CD163L1: variants seen among roughly 807,000 people sequenced by gnomAD.
The protein encoded by CD163L1 is scavenger receptor cysteine-rich type 1 protein M160.
In CD163L1, 124 loss-of-function variants were observed where a neutral mutation model predicts 165.4. That is an observed-to-expected ratio of 0.75 (90% CI 0.65 to 0.87). The LOEUF is 0.87. Ranked by LOEUF, CD163L1 falls within the 40% of genes least tolerant of loss-of-function variation. CD163L1 has a pLI of 0.00. For synonymous variants in CD163L1, 585 were observed against 662.2 expected, an observed-to-expected ratio of 0.88 and a Z score of 1.79; for missense variants, 1,525 against 1,799.9, an observed-to-expected ratio of 0.85 and a Z score of 2.76.
chr12:7,389,373 TC>T (rs1002024815), intron 8 of CD163L1, among the ~76,000 whole-genome samples: 2 of 152,196 alleles, frequency 1.3e-5, no homozygotes, highest in Admixed American at 6.5e-5. Context: ...GAGCACTTTT[TC>T]ATATGCCTAT....
At chr12:7,392,848 A>G (rs1297966442) in intron 8 of CD163L1, among the ~76,000 whole-genome samples, 4 of 152,312 alleles carry the variant, frequency 2.6e-5, no homozygotes, top group African/African-American at 9.6e-5. Context: ...CTGGACACAT[A>G]CACCCTCCCA....
rs1947819200 is a variant in CD163L1, at chr12:7,398,261, T to C, written c.1729+3A>G. 1.9e-6 allele frequency: 3 copies of C among 1,610,724 alleles called. No homozygotes were observed. The highest frequency in any genetic ancestry group is 1.7e-5 in the Admixed American group (1 of 59,878). On this transcript the variant is annotated splice_donor_region_variant and intron_variant, in intron 7 of 19. Coordinates refer to ENST00000313599, the MANE Select transcript of CD163L1 (RefSeq NM_174941.6). The surrounding 1 kb of genome is among the most constrained non-coding windows in gnomAD (Gnocchi z 4.5). ...GGAAATAATAAACAAGAACAAGTCT[T>C]ACCTGAGCAGGTTACAATCACATCC...
chr12:7,379,375 C>T (rs1014825038), intron 8 of CD163L1, 77 bp from the exon 9 acceptor site: 5 of 1,460,336 alleles, frequency 3.4e-6, no homozygotes, highest in Non-Finnish European at 4.6e-6. Context: ...TTCCTGTACA[C>T]TAACATAGAC....
At chr12:7,335,370 T>C in the CD163L1 span, among the ~76,000 whole-genome samples, 4 of 152,080 alleles carry the variant, frequency 2.6e-5, no homozygotes, top group African/African-American at 4.8e-5. Flanking sequence ...TTGACAAACC[T>C]GACAAAAACA....
the CD163L1 span, among the ~76,000 whole-genome samples, chr12:7,329,919 A>C: frequency 6.6e-6 from 1 of 152,200 alleles, no homozygotes; most frequent in Admixed American, 6.5e-5. Flanking sequence ...CAGCTTTCAC[A>C]AAGTGAAAAC....
intron 4 of CD163L1, among the ~76,000 whole-genome samples, chr12:7,421,829 C>T (rs1054202056): frequency 6.6e-6 from 1 of 150,816 alleles, no homozygotes; most frequent in African/African-American, 2.4e-5. Flanking sequence ...TGTTCTCACT[C>T]ATAAGTGGGA....
rs1402355435 is a variant in CD163L1 at position 7,372,951 on chromosome 12, T to C, written c.3730+369A>G. On this transcript the variant is annotated intron_variant, in intron 14 of 19. Transcript: ENST00000313599. The surrounding 1 kb of genome is among the most constrained non-coding windows in gnomAD (Gnocchi z 4.2). Reference sequence around the variant, plus strand: ...AAAAAATAGAGCTGCTTAATCTCCATAATTAATTCACATTTCCTCAAAAGT... The same window carrying C: ...AAAAAATAGAGCTGCTTAATCTCCACAATTAATTCACATTTCCTCAAAAGT... Among the ~76,000 whole-genome samples the C allele has an allele frequency of 6.6e-6, 1 of 152,178 alleles. No individual in the cohort carries two copies. Among genetic ancestry groups the C allele is most frequent in the Admixed American group, 6.5e-5 (1 of 15,278 alleles).
chr12:7,330,967 C>T, the CD163L1 span, among the ~76,000 whole-genome samples: 27 of 152,246 alleles, frequency 1.8e-4, no homozygotes, highest in East Asian at 3.9e-4. Context: ...GCACCGTGCA[C>T]GAGCTGAAGC....
chr12:7,331,676 C>G, the CD163L1 span, among the ~76,000 whole-genome samples: 7 of 152,340 alleles, frequency 4.6e-5, no homozygotes, highest in South Asian at 1.4e-3. Context: ...CAAACAGGGT[C>G]TGGAATGGAC....
rs767881036 is a variant in CD163L1, at chr12:7,375,911, A to C, written c.2475T>G (p.Ser825=). The change falls in exon 10 of 20, where the codon TCT becomes TCG. Residue 825 remains serine, a synonymous_variant. Coordinates refer to ENST00000313599, the MANE Select transcript of CD163L1 (RefSeq NM_174941.6). ...TWRSVCDSDF[S]LHAANVLCRE... is the part of the protein sequence containing the mutation. Reference sequence around the variant, plus strand: ...TGCACAGCACATTGGCAGCATGAAGAGAGAAATCAGAATCACAGACAGAGC... The same window carrying C: ...TGCACAGCACATTGGCAGCATGAAGCGAGAAATCAGAATCACAGACAGAGC... The C allele has an allele frequency of 6.2e-7, 1 of 1,614,246 alleles. No homozygotes were observed. The highest frequency in any genetic ancestry group is 2.2e-5 in the East Asian group (1 of 44,886).
intron 13 of CD163L1, among the ~76,000 whole-genome samples, chr12:7,373,871 A>G (rs968951465): frequency 1.1e-4 from 16 of 152,218 alleles, no homozygotes; most frequent in East Asian, 9.6e-4. Flanking sequence ...ATTTGTATCA[A>G]CTTAAGTTAA....
At chr12:7,351,569 G>A (rs1946706890), downstream of CD163L1, among the ~76,000 whole-genome samples, 1 of 152,008 alleles carries the variant, frequency 6.6e-6, no homozygotes, top group South Asian at 2.1e-4. Flanking sequence ...CCTCCTTAAG[G>A]CCCTATCTCC....
chr12:7,361,032 T>G lies in CD163L1; in HGVS notation c.4280-3546A>C, dbSNP rs1591872472. Among the ~76,000 whole-genome samples the G allele has an allele frequency of 2.0e-5, 3 of 152,330 alleles. No homozygotes were observed. In the South Asian group the frequency reaches 6.2e-4, roughly 32 times the overall value. ...CCAGTTAGGTTCAGATTGCAAGTTC[T>G]GTCTTACCATCTCTGGTGGTTTATT... On this transcript the variant is annotated intron_variant, in intron 18 of 19. Coordinates refer to ENST00000313599, the MANE Select transcript of CD163L1 (RefSeq NM_174941.6).
At chr12:7,363,434 C>A (rs1946948178) in intron 18 of CD163L1, among the ~76,000 whole-genome samples, 2 of 147,932 alleles carry the variant, frequency 1.4e-5, no homozygotes, top group South Asian at 4.4e-4. Flanking sequence ...TAATAATAAT[C>A]AGAGAAATAA....
In CD163L1 at chr12:7,375,998, C is replaced by A. The variant is rs201084521; in HGVS notation, c.2388G>T (p.Arg796Ser). 5.6e-6 allele frequency: 9 copies of A among 1,613,432 alleles called. No individual in the cohort carries two copies. The highest frequency in any genetic ancestry group is 7.6e-6 in the Non-Finnish European group (9 of 1,179,614). ...SLICSAHRQP[R>S]LVGADMPCSG... ...AGCAGGGCATATCAGCTCCAACCAG[C>A]CTGGGCTGCCTGTGGGCTATAAAAT... The change falls in exon 10 of 20, where the codon AGG becomes AGT. Residue 796 changes from arginine (R) to serine (S), a missense_variant. Arg to Ser is a moderately radical substitution (Grantham distance 110, BLOSUM62 -1). Coordinates refer to ENST00000313599, the MANE Select transcript of CD163L1 (RefSeq NM_174941.6).
intron 4 of CD163L1, among the ~76,000 whole-genome samples, chr12:7,427,637 CT>C (rs1948567464): frequency 6.6e-6 from 1 of 151,960 alleles, no homozygotes; most frequent in Non-Finnish European, 1.5e-5. Context: ...ATACGTACAG[CT>C]TTTTACATGT....
chr12:7,334,553 C>T, the CD163L1 span, among the ~76,000 whole-genome samples: 10 of 152,134 alleles, frequency 6.6e-5, no homozygotes, highest in South Asian at 8.3e-4. Context: ...GGGCAAAAAC[C>T]GGAAGCATTC....
intron 18 of CD163L1, among the ~76,000 whole-genome samples, chr12:7,366,296 A>G (rs923945295): frequency 3.9e-5 from 6 of 152,110 alleles, no homozygotes; most frequent in Admixed American, 3.3e-4. Context: ...CAAATATACA[A>G]TTGTAAGAAA....
At chr12:7,424,210 G>A (rs1948496220) in intron 4 of CD163L1, among the ~76,000 whole-genome samples, 1 of 151,440 alleles carries the variant, frequency 6.6e-6, no homozygotes, top group Admixed American at 6.6e-5. Context: ...CACATAAACA[G>A]AACCAGTGAC....
Sources: allele counts gnomAD v4.1 joint callset (sites outside exome capture counted in the v4.1 genomes callset), GRCh38; gene constraint gnomAD v4.1.1; non-coding constraint Gnocchi (gnomAD v3.1); transcripts MANE v1.5; gene names NCBI Gene and HGNC (gene_info 2026-07-23, HGNC 2026-07-21).